ZSWIM6: variants seen among roughly 807,000 people sequenced by gnomAD.
ZSWIM6 encodes the protein zinc finger SWIM-type containing 6.
Under a neutral mutation model 113.2 loss-of-function variants are expected in ZSWIM6, and 9 were observed. The observed-to-expected ratio is 0.08, with a 90% CI of 0.05 to 0.14. The LOEUF is 0.14. Ranked by LOEUF, ZSWIM6 falls within the 10% of genes least tolerant of loss-of-function variation. The pLI is 1.00. For synonymous variants in ZSWIM6, 611 were observed against 606.5 expected (o/e 1.01, Z -0.11); for missense variants, 1,162 against 1,552.2 (o/e 0.75, Z 4.22).
chr5:61,366,986 A>T (rs1745169697), intron 1 of ZSWIM6, among the ~76,000 whole-genome samples: 2 of 151,922 alleles, frequency 1.3e-5, no homozygotes, highest in Non-Finnish European at 2.9e-5. Context: ...ACATCCCCAG[A>T]CAGTGTCAGC....
chr5:61,492,245 A>G (rs1287105613), intron 3 of ZSWIM6, among the ~76,000 whole-genome samples: 1 of 152,132 alleles, frequency 6.6e-6, no homozygotes, highest in Non-Finnish European at 1.5e-5. Flanking sequence ...TAAAAGGTTT[A>G]GTATATTTAG....
chr5:61,356,363 G>A (rs1744907167), intron 1 of ZSWIM6, among the ~76,000 whole-genome samples: 1 of 152,006 alleles, frequency 6.6e-6, no homozygotes, highest in African/African-American at 2.4e-5. Context: ...TATTTTGTAG[G>A]TTTCAGACTT....
chr5:61,513,817 A>G (rs11741726), intron 4 of ZSWIM6, among the ~76,000 whole-genome samples: 17,354 of 151,998 alleles, frequency 0.11, 1,253 homozygotes, highest in South Asian at 0.17. Flanking sequence ...CCTTTGATCT[A>G]TGTGCCTATC....
At chr5:61,391,897 G>A (rs1480081468) in intron 1 of ZSWIM6, 3 of 590,576 alleles carry the variant, frequency 5.1e-6, no homozygotes, top group South Asian at 2.1e-5. Flanking sequence ...TGCCGGTAGA[G>A]CAAAAAATGG....
intron 1 of ZSWIM6, among the ~76,000 whole-genome samples, chr5:61,359,622 T>C (rs893014192): frequency 2.6e-5 from 4 of 152,126 alleles, no homozygotes; most frequent in South Asian, 4.1e-4. Context: ...AGGGAAAGGA[T>C]GATGGGACTG....
At chr5:61,379,185 G>GAAAA (rs1211778480) in intron 1 of ZSWIM6, among the ~76,000 whole-genome samples, 30 of 38,150 alleles carry the variant, frequency 7.9e-4, no homozygotes, top group Middle Eastern at 0.016. Context: ...TCCTGTCTCT[G>GAAAA]AAAAAAAAAA....
intron 1 of ZSWIM6, among the ~76,000 whole-genome samples, chr5:61,379,379 G>A (rs761521315): frequency 6.6e-6 from 1 of 151,816 alleles, no homozygotes; most frequent in Non-Finnish European, 1.5e-5. Flanking sequence ...GTGTTTTATT[G>A]CCTCTCTTTT....
intron 4 of ZSWIM6, 37 bp downstream of exon 4, chr5:61,494,447 A>T (rs1748267515): frequency 1.3e-6 from 2 of 1,548,828 alleles, no homozygotes; most frequent in Non-Finnish European, 1.7e-6. Flanking sequence ...ATTGATTTGC[A>T]TATGGATAAA....
chr5:61,366,176 G>GT (rs1253766054), intron 1 of ZSWIM6, among the ~76,000 whole-genome samples: 3 of 152,140 alleles, frequency 2.0e-5, no homozygotes, highest in Non-Finnish European at 2.9e-5. Flanking sequence ...GATTACAAGC[G>GT]TGAACCACCA....
intron 10 of ZSWIM6, 68 bp from the exon 11 acceptor site, chr5:61,538,746 C>T: frequency 2.7e-6 from 4 of 1,489,240 alleles, no homozygotes; most frequent in Non-Finnish European, 3.6e-6. Flanking sequence ...TTCTGTTGGC[C>T]AGTCTTTCTG....
Position 61,420,325 on chromosome 5 carries a change from CT to C in ZSWIM6, c.677-52351del, listed in dbSNP as rs1181813000. Reference sequence around the variant, plus strand: ...CCTACAAAATGATACTAATGTCCAGCTTTTTACTATATATCTGAAAGTTTTA... The same window carrying C: ...CCTACAAAATGATACTAATGTCCAGCTTTTACTATATATCTGAAAGTTTTA... On this transcript the variant is annotated intron_variant, in intron 1 of 13. Transcript: ENST00000252744. Among the ~76,000 whole-genome samples, 7 of 152,318 alleles carry C rather than the reference CT, an allele frequency of 4.6e-5. No homozygotes were observed. The East Asian group carries it at 1.2e-3, about 25-fold the overall frequency.
intron 1 of ZSWIM6, among the ~76,000 whole-genome samples, chr5:61,412,353 T>G (rs749388950): frequency 6.6e-6 from 1 of 152,196 alleles, no homozygotes; most frequent in Non-Finnish European, 1.5e-5. Context: ...CTAGGTTTGA[T>G]CCCCTGAAGA....
At chr5:61,390,903 A>G (rs1745693696) in intron 1 of ZSWIM6, 22 of 875,002 alleles carry the variant, frequency 2.5e-5, no homozygotes, top group Non-Finnish European at 5.8e-6. Context: ...GTCATTGGTC[A>G]CTTCACCATA....
chr5:61,494,122 C>A (rs901655697), intron 3 of ZSWIM6, 138 bp from the exon 4 acceptor site: 1 of 717,948 alleles, frequency 1.4e-6, no homozygotes, highest in African/African-American at 1.8e-5. Context: ...CTATCCTCCA[C>A]CACACACACA....
intron 2 of ZSWIM6, among the ~76,000 whole-genome samples, chr5:61,474,886 CAGCTTTACTAAAGT>C (rs1414600357): frequency 1.3e-5 from 2 of 152,180 alleles, no homozygotes; most frequent in African/African-American, 4.8e-5. Flanking sequence ...ATATCAGGCT[CAGCTTTACTAAAGT>C]AGCTATCATA....
At chr5:61,525,248 T>C (rs1749245871) in intron 5 of ZSWIM6, among the ~76,000 whole-genome samples, 1 of 152,234 alleles carries the variant, frequency 6.6e-6, no homozygotes, top group Non-Finnish European at 1.5e-5. Context: ...ATTTAAGCAT[T>C]ATATCCCAAG....
Position 61,543,660 on chromosome 5 carries a change from C to G in ZSWIM6, c.2991C>G (p.Leu997=), listed in dbSNP as rs1749803653. The G allele has an allele frequency of 1.3e-6, 2 of 1,551,768 alleles. No individual in the cohort carries two copies. Among genetic ancestry groups the G allele is most frequent in the Non-Finnish European group, 1.7e-6 (2 of 1,147,020 alleles). Residue 997 remains leucine (L), a synonymous_variant, in exon 14 of 14, where the codon CTC becomes CTG. Transcript: ENST00000252744. The surrounding 1 kb of genome is among the most constrained non-coding windows in gnomAD (Gnocchi z 4.3). The part of the protein sequence containing the change: ...CAMKDPQNCA[L]SALTLCEKDH... ...TGAAGGATCCACAGAACTGTGCCCT[C>G]TCTGCGCTAACCCTTTGTGAAAAGG... is the stretch of plus-strand genomic sequence containing the variant.
intron 1 of ZSWIM6, among the ~76,000 whole-genome samples, chr5:61,371,448 A>G (rs1344333182): frequency 1.3e-5 from 2 of 152,240 alleles, no homozygotes; most frequent in Admixed American, 1.3e-4. Flanking sequence ...TTCTTTACCT[A>G]AATTGCTTTT....
At chr5:61,376,410 A>G (rs1049733771) in intron 1 of ZSWIM6, among the ~76,000 whole-genome samples, 2 of 151,984 alleles carry the variant, frequency 1.3e-5, no homozygotes, top group Non-Finnish European at 2.9e-5. Flanking sequence ...ACACATCTGT[A>G]TTATGGACAC....
Sources: allele counts gnomAD v4.1 joint callset (sites outside exome capture counted in the v4.1 genomes callset), GRCh38; gene constraint gnomAD v4.1.1; non-coding constraint Gnocchi (gnomAD v3.1); transcripts MANE v1.5; gene names NCBI Gene and HGNC (gene_info 2026-07-23, HGNC 2026-07-21).